The following MAN1A2 variants were observed in gnomAD, a reference collection of about 807,000 sequenced individuals.
MAN1A2 encodes mannosyl-oligosaccharide 1,2-alpha-mannosidase IB.
Under a neutral mutation model 75.7 loss-of-function variants are expected in MAN1A2, and 26 were observed. The ratio of observed to expected loss-of-function variants is 0.34; its 90% CI spans 0.25 to 0.48. The LOEUF is 0.48. MAN1A2 is among the 20% of genes least tolerant of loss of function. The pLI is 0.99. For missense variants in MAN1A2, 562 were observed against 775.5 expected (o/e 0.72, Z 3.27); for synonymous variants, 247 against 264.6 (o/e 0.93, Z 0.65).
chr1:117,447,289 CATT>C (rs1215329975), intron 6 of MAN1A2, among the ~76,000 whole-genome samples: 7 of 152,060 alleles, frequency 4.6e-5, no homozygotes, highest in Admixed American at 2.0e-4. Context: ...TATATAATCT[CATT>C]ATTTTTAAGA....
chr1:117,428,445 G>A (rs1648451949), intron 5 of MAN1A2, among the ~76,000 whole-genome samples: 1 of 151,668 alleles, frequency 6.6e-6, no homozygotes, highest in Admixed American at 6.6e-5. Context: ...AAAACAGAAA[G>A]GAAGGAATAG....
intron 12 of MAN1A2, among the ~76,000 whole-genome samples, chr1:117,509,642 T>G (rs1199114096): frequency 6.6e-6 from 1 of 152,014 alleles, no homozygotes; most frequent in Non-Finnish European, 1.5e-5. Flanking sequence ...ATGTGTTTGT[T>G]GAGCTATATA....
chr1:117,497,393 C>T (rs1238958667), intron 10 of MAN1A2, among the ~76,000 whole-genome samples: 1 of 151,898 alleles, frequency 6.6e-6, no homozygotes, highest in Non-Finnish European at 1.5e-5. Flanking sequence ...CAAAAGATAA[C>T]AATATTTATC....
rs1373017533 is a variant in MAN1A2 at position 117,525,007 on chromosome 1, T to C, written c.*2050T>C. ...AGTTGGCAAAGATGCAGAGCAGCAG[T>C]GCAGATGGCAATGAACTCTCTGAAT... On this transcript the variant is annotated 3_prime_UTR_variant, in exon 13 of 13. Transcript: ENST00000356554. 4.4e-6 allele frequency: 2 copies of C among 456,486 alleles called. No homozygotes were observed. The highest frequency in any genetic ancestry group is 4.0e-5 in the African/African-American group (2 of 49,748). 28.3% of individuals were successfully genotyped at this position (456,486 alleles called of 1,614,324 possible). A position where few individuals can be genotyped will look rare whatever the true frequency, so the allele number is the denominator to read the frequency against.
rs1013178678 is a variant in MAN1A2 at position 117,527,228 on chromosome 1, C to G, written c.*4271C>G. 6.6e-6 allele frequency: 1 copy of G among 151,744 alleles called. No homozygotes were observed. The highest frequency in any genetic ancestry group is 2.4e-5 in the African/African-American group (1 of 41,362). The allele number at this position is 151,744 out of a possible 1,614,324, so 9.4% of individuals were successfully genotyped here. On this transcript the variant is annotated 3_prime_UTR_variant, in exon 13 of 13. Transcript: ENST00000356554. ...AGGCTATGAGAGCTATACAGTCTCT[C>G]TTATTACTCATTTCTGCTGTTGAAG...
Position 117,384,103 on chromosome 1 carries a change from A to G in MAN1A2, c.302+15618A>G, listed in dbSNP as rs757421623. 2.6e-5 allele frequency among the ~76,000 whole-genome samples: 4 copies of G among 151,912 alleles called. No individual in the cohort carries two copies. In the South Asian group the frequency reaches 8.3e-4, roughly 32 times the overall value. ...CTTTTGGTTTCATTAGATTCTCTCTATTGTTTTTCTATTCTCTGTTTTATC... is the reference window on the plus strand; with the variant it reads ...CTTTTGGTTTCATTAGATTCTCTCTGTTGTTTTTCTATTCTCTGTTTTATC... On this transcript the variant is annotated intron_variant, in intron 1 of 12. Transcript: ENST00000356554.
intron 7 of MAN1A2, among the ~76,000 whole-genome samples, chr1:117,461,801 A>G (rs965437384): frequency 6.6e-6 from 1 of 152,134 alleles, no homozygotes; most frequent in Non-Finnish European, 1.5e-5. Flanking sequence ...TCATCCCCAA[A>G]TTGATTTATA....
chr1:117,424,530 C>T (rs1045508940), intron 5 of MAN1A2, among the ~76,000 whole-genome samples: 1 of 152,162 alleles, frequency 6.6e-6, no homozygotes, highest in Non-Finnish European at 1.5e-5. Context: ...AAAACTAGTC[C>T]CAGAGGGAGA....
At chr1:117,452,194 C>G (rs997512114) in intron 6 of MAN1A2, among the ~76,000 whole-genome samples, 1 of 151,722 alleles carries the variant, frequency 6.6e-6, no homozygotes, top group African/African-American at 2.4e-5. Flanking sequence ...GTAATCCCAG[C>G]TACTTGGGAG....
At chr1:117,476,568 C>T (rs1258672877) in intron 8 of MAN1A2, among the ~76,000 whole-genome samples, 1 of 152,024 alleles carries the variant, frequency 6.6e-6, no homozygotes, top group Non-Finnish European at 1.5e-5. Flanking sequence ...TTTCAGTTTT[C>T]TGCATATGGC....
chr1:117,414,214 C>G (rs993391829), intron 3 of MAN1A2, among the ~76,000 whole-genome samples: 1 of 151,262 alleles, frequency 6.6e-6, no homozygotes, highest in Non-Finnish European at 1.5e-5. Context: ...CTGTGGTTAT[C>G]CAGCCCTGTT....
rs79268822 is a variant in MAN1A2, at chr1:117,507,971, T to G, written c.1793+5001T>G. Among the ~76,000 whole-genome samples, 629 of 151,842 alleles carry G rather than the reference T, an allele frequency of 4.1e-3. 5 individuals carry two copies. Among genetic ancestry groups the G allele is most frequent in the African/African-American group, 0.014 (601 of 41,514 alleles). ...TTAGCAGATAGAACACCAAGACTCC[T>G]AGGAGCGGTTCTCTAGTAGCAGCAC... On this transcript the variant is annotated intron_variant, in intron 12 of 12. Transcript: ENST00000356554.
rs972342287 is a variant in MAN1A2, at chr1:117,377,488, A to G, written c.302+9003A>G. Among the ~76,000 whole-genome samples, 10 of 152,232 alleles carry G rather than the reference A, an allele frequency of 6.6e-5. 1 individual carries two copies. The highest frequency in any genetic ancestry group is 6.5e-4 in the Admixed American group (10 of 15,280). ...GATTTATCCTTGGGAAATTTTCACA[A>G]AGAAGTGTTCAAATCACTTCTTTCA... On this transcript the variant is annotated intron_variant, in intron 1 of 12. Coordinates refer to ENST00000356554, the MANE Select transcript of MAN1A2 (RefSeq NM_006699.5).
At chr1:117,440,854 T>G (rs1482626492) in intron 5 of MAN1A2, among the ~76,000 whole-genome samples, 14 of 152,136 alleles carry the variant, frequency 9.2e-5, no homozygotes, top group Admixed American at 9.2e-4. Flanking sequence ...TTTGTCTTTA[T>G]GGTAAACAGA....
intron 5 of MAN1A2, among the ~76,000 whole-genome samples, chr1:117,429,246 C>T (rs1648492085): frequency 7.0e-6 from 1 of 143,212 alleles, no homozygotes; most frequent in African/African-American, 2.6e-5. Context: ...CAATCTTTTC[C>T]CCACCTTTCC....
At chr1:117,452,514 G>A (rs924641011) in intron 6 of MAN1A2, among the ~76,000 whole-genome samples, 12 of 152,174 alleles carry the variant, frequency 7.9e-5, no homozygotes, top group African/African-American at 2.9e-4. Context: ...TAGTTATATT[G>A]CCAACATGGA....
At chr1:117,476,013 C>G (rs1181778468) in intron 8 of MAN1A2, among the ~76,000 whole-genome samples, 2 of 152,108 alleles carry the variant, frequency 1.3e-5, no homozygotes, top group Non-Finnish European at 2.9e-5. Context: ...TTTCCACAAC[C>G]TCTCCAGCAT....
intron 5 of MAN1A2, among the ~76,000 whole-genome samples, chr1:117,437,579 A>G (rs946043639): frequency 6.6e-6 from 1 of 152,078 alleles, no homozygotes; most frequent in African/African-American, 2.4e-5. Flanking sequence ...GGTCAAGAAC[A>G]TGGACTCTAG....
intron 1 of MAN1A2, among the ~76,000 whole-genome samples, chr1:117,399,877 A>AT: frequency 6.6e-6 from 1 of 152,290 alleles, no homozygotes; most frequent in Non-Finnish European, 1.5e-5. Context: ...TCTGGTTGAA[A>AT]TAGGGTTTTA....
Sources: allele counts gnomAD v4.1 joint callset (sites outside exome capture counted in the v4.1 genomes callset), GRCh38; gene constraint gnomAD v4.1.1; transcripts MANE v1.5; gene names NCBI Gene and HGNC (gene_info 2026-07-23, HGNC 2026-07-21).